The following ADAM32 variants were observed in gnomAD, a reference collection of about 807,000 sequenced individuals.
ADAM32 encodes disintegrin and metalloproteinase domain-containing protein 32.
Under a neutral mutation model 114.9 loss-of-function variants are expected in ADAM32, and 89 were observed. The observed-to-expected ratio is 0.77, with a 90% CI of 0.65 to 0.92. The LOEUF is 0.92. Among genes scored for constraint, ADAM32 ranks in the 40% least tolerant of loss-of-function variants. ADAM32 has a pLI of 0.00. For synonymous variants in ADAM32, 285 were observed against 307.5 expected (o/e 0.93, Z 0.77); for missense variants, 870 against 932.8 (o/e 0.93, Z 0.88).
chr8:39,113,014 G>C lies in ADAM32; in HGVS notation c.59-5072G>C, dbSNP rs138017210. 7.6e-4 allele frequency among the ~76,000 whole-genome samples: 116 copies of C among 152,282 alleles called. 1 individual carries two copies. Among genetic ancestry groups the C allele is most frequent in the African/African-American group, 2.7e-3 (114 of 41,546 alleles). On this transcript the variant is annotated intron_variant, in intron 1 of 24. Coordinates refer to ENST00000379907, the MANE Select transcript of ADAM32 (RefSeq NM_145004.7). ...TGTATTTCTTCACTCTCTGAATCTGGTTGGCCTCATTACTTGCTCTGGCCA... is the reference window on the plus strand; with the variant it reads ...TGTATTTCTTCACTCTCTGAATCTGCTTGGCCTCATTACTTGCTCTGGCCA...
chr8:39,188,558 TA>T (rs1255507499), intron 11 of ADAM32, among the ~76,000 whole-genome samples: 6 of 152,178 alleles, frequency 3.9e-5, no homozygotes, highest in African/African-American at 1.4e-4. Flanking sequence ...ACATTGTACT[TA>T]CTATGTTCTA....
At chr8:39,213,530 T>C (rs1808364938) in intron 12 of ADAM32, among the ~76,000 whole-genome samples, 2 of 152,108 alleles carry the variant, frequency 1.3e-5, no homozygotes, top group African/African-American at 4.8e-5. Context: ...ATGTGTATAT[T>C]TATACATACA....
chr8:39,155,738 A>C (rs557754481), intron 6 of ADAM32, among the ~76,000 whole-genome samples: 1 of 152,188 alleles, frequency 6.6e-6, no homozygotes, highest in African/African-American at 2.4e-5. Flanking sequence ...TATGTCTTCT[A>C]TCTTTTTTTG....
chr8:39,209,465 G>A (rs984175472), intron 11 of ADAM32, among the ~76,000 whole-genome samples: 9 of 152,000 alleles, frequency 5.9e-5, no homozygotes, highest in African/African-American at 2.2e-4. Context: ...TATTTCTCCA[G>A]GTTTGGTTAC....
At chr8:39,280,332 T>C (rs968242428) in intron 22 of ADAM32, among the ~76,000 whole-genome samples, 1 of 152,214 alleles carries the variant, frequency 6.6e-6, no homozygotes. Context: ...ATCTTAGTTA[T>C]GCATACGTTT....
intron 12 of ADAM32, among the ~76,000 whole-genome samples, chr8:39,215,457 T>A (rs1015094295): frequency 6.6e-6 from 1 of 152,010 alleles, no homozygotes; most frequent in Non-Finnish European, 1.5e-5. Context: ...ATTACTTTCT[T>A]GATTTTCAGA....
At chr8:39,116,446 T>C (rs909147465) in intron 1 of ADAM32, among the ~76,000 whole-genome samples, 2 of 152,206 alleles carry the variant, frequency 1.3e-5, no homozygotes, top group Non-Finnish European at 2.9e-5. Flanking sequence ...TGTAGAGATC[T>C]TTCACCTCCA....
At chr8:39,165,612 A>G (rs1486910653) in intron 9 of ADAM32, 1 of 152,866 alleles carries the variant, frequency 6.5e-6, no homozygotes, top group Non-Finnish European at 1.5e-5. Flanking sequence ...ACTTTACCCT[A>G]ATGAATTTTC....
chr8:39,188,524 T>C (rs982166251), intron 11 of ADAM32, among the ~76,000 whole-genome samples: 2 of 152,164 alleles, frequency 1.3e-5, no homozygotes, highest in Non-Finnish European at 2.9e-5. Context: ...CTAAGATTAA[T>C]GATAATAAGA....
chr8:39,136,581 AT>A, intron 2 of ADAM32, 75 bp from the exon 3 acceptor site: 1 of 895,560 alleles, frequency 1.1e-6, no homozygotes, highest in East Asian at 2.9e-5. Context: ...GTTTGGACAG[AT>A]TAATTGATAT....
chr8:39,217,593 C>G (rs1808668423), intron 12 of ADAM32, among the ~76,000 whole-genome samples: 1 of 152,006 alleles, frequency 6.6e-6, no homozygotes, highest in Non-Finnish European at 1.5e-5. Flanking sequence ...TTTCAAATAG[C>G]CTTTCTTCAA....
intron 1 of ADAM32, among the ~76,000 whole-genome samples, chr8:39,117,437 CAT>C (rs1212477108): frequency 3.3e-5 from 5 of 151,906 alleles, no homozygotes; most frequent in Admixed American, 1.3e-4. Context: ...GTGGTAGACA[CAT>C]GTGAACTTTT....
At chr8:39,136,213 T>C (rs999744464) in intron 2 of ADAM32, among the ~76,000 whole-genome samples, 1 of 152,242 alleles carries the variant, frequency 6.6e-6, no homozygotes, top group African/African-American at 2.4e-5. Flanking sequence ...TTTTGTTCAA[T>C]AATCTTCTGT....
chr8:39,140,892 T>C (rs2129445175), intron 3 of ADAM32, among the ~76,000 whole-genome samples: 1 of 152,298 alleles, frequency 6.6e-6, no homozygotes, highest in East Asian at 1.9e-4. Flanking sequence ...CGGGTGCACG[T>C]GTCCAGGAAT....
chr8:39,238,869 C>T (rs557614278), intron 16 of ADAM32, among the ~76,000 whole-genome samples: 42 of 150,464 alleles, frequency 2.8e-4, no homozygotes, highest in Non-Finnish European at 4.9e-4. Context: ...CTGACACAGA[C>T]AAAAAAAATA....
At chr8:39,237,715 C>T (rs572142389) in intron 16 of ADAM32, among the ~76,000 whole-genome samples, 19 of 152,252 alleles carry the variant, frequency 1.2e-4, no homozygotes, top group South Asian at 8.3e-4. Context: ...TCCACCACAA[C>T]GGCCATAGCA....
chr8:39,188,336 G>A (rs992896339), intron 11 of ADAM32, among the ~76,000 whole-genome samples: 12 of 151,442 alleles, frequency 7.9e-5, no homozygotes, highest in Non-Finnish European at 1.3e-4. Context: ...ATATGCATAT[G>A]TCCATATAGA....
chr8:39,149,928 G>T, intron 5 of ADAM32, 61 bp downstream of exon 5: 1 of 1,400,756 alleles, frequency 7.1e-7, no homozygotes. Context: ...CAGTGAATTT[G>T]TTCTCTTTGT....
At chr8:39,233,034 A>T (rs1167195676) in intron 15 of ADAM32, among the ~76,000 whole-genome samples, 2 of 152,218 alleles carry the variant, frequency 1.3e-5, no homozygotes, top group Admixed American at 1.3e-4. Flanking sequence ...CAGTAAATAT[A>T]TAATCTGCCC....
Sources: allele counts gnomAD v4.1 joint callset (sites outside exome capture counted in the v4.1 genomes callset), GRCh38; gene constraint gnomAD v4.1.1; transcripts MANE v1.5; gene names NCBI Gene and HGNC (gene_info 2026-07-23, HGNC 2026-07-21).